CNBD1: variants seen among roughly 807,000 people sequenced by gnomAD.
The protein encoded by CNBD1 is cyclic nucleotide binding domain containing 1.
Under a neutral mutation model 54.4 loss-of-function variants are expected in CNBD1, and 71 were observed. The observed-to-expected ratio is 1.30, with a 90% CI of 1.08 to 1.59. The LOEUF (loss-of-function observed/expected upper bound fraction) is 1.59, where lower values mean the gene tolerates loss of function less well. Among genes scored for constraint, CNBD1 ranks in the 40% most tolerant of loss-of-function variants. CNBD1 has a pLI of 0.00. For missense variants in CNBD1, 659 were observed against 518.0 expected (o/e 1.27, Z -2.64); for synonymous variants, 182 against 170.7 (o/e 1.07, Z -0.51).
In CNBD1 at chr8:86,951,581, C is replaced by CAAAAAAAAAAAAAAAAAAAAAAAA. The variant is rs71275901; in HGVS notation, c.431+11842_431+11865dup. On this transcript the variant is annotated intron_variant, in intron 4 of 10. Transcript: ENST00000518476. ...GGTGACAGAGCGAGGCTCCGTCTCA[C>CAAAAAAAAAAAAAAAAAAAAAAAA]AAAAAAAAAAAAAAAAAAAAAAAAA... 4.3e-4 allele frequency among the ~76,000 whole-genome samples: 16 copies of CAAAAAAAAAAAAAAAAAAAAAAAA among 37,360 alleles called. 4 individuals are homozygous for CAAAAAAAAAAAAAAAAAAAAAAAA. Among genetic ancestry groups the CAAAAAAAAAAAAAAAAAAAAAAAA allele is most frequent in the East Asian group, 8.9e-4 (1 of 1,122 alleles). 24.5% of individuals were successfully genotyped at this position (37,360 alleles called of 152,430 possible). A position where few individuals can be genotyped will look rare whatever the true frequency, so the allele number is the denominator to read the frequency against.
intron 4 of CNBD1, among the ~76,000 whole-genome samples, chr8:87,153,988 G>GGC (rs1812661198): frequency 6.6e-6 from 1 of 152,162 alleles, no homozygotes; most frequent in African/African-American, 2.4e-5. Flanking sequence ...AGTTCAGGAT[G>GGC]GCTAGAATAT....
chr8:87,123,974 G>T (rs1480025085), intron 4 of CNBD1, among the ~76,000 whole-genome samples: 1 of 151,578 alleles, frequency 6.6e-6, no homozygotes, highest in Non-Finnish European at 1.5e-5. Flanking sequence ...AAATAAGAAT[G>T]AATCAGTAAT....
chr8:86,971,329 A>G (rs1251790158), intron 4 of CNBD1, among the ~76,000 whole-genome samples: 1 of 152,172 alleles, frequency 6.6e-6, no homozygotes, highest in Non-Finnish European at 1.5e-5. Flanking sequence ...TATTATGAGA[A>G]GAGCATGGGG....
At chr8:87,414,647 T>C (rs932044910) in intron 2 of CNBD1, among the ~76,000 whole-genome samples, 1 of 152,052 alleles carries the variant, frequency 6.6e-6, no homozygotes, top group Admixed American at 6.6e-5. Context: ...ACAATATATC[T>C]TCTTGTACTA....
intron 5 of CNBD1, among the ~76,000 whole-genome samples, chr8:87,233,570 A>T (rs1807510213): frequency 6.6e-6 from 1 of 152,156 alleles, no homozygotes; most frequent in African/African-American, 2.4e-5. Flanking sequence ...TCTTGCCTCA[A>T]TGTTGATGGC....
At chr8:86,894,308 G>A (rs530137153) in intron 2 of CNBD1, among the ~76,000 whole-genome samples, 3 of 151,580 alleles carry the variant, frequency 2.0e-5, no homozygotes, top group Admixed American at 1.3e-4. Context: ...TGATCCACCC[G>A]CCTCGGCCTC....
intron 2 of CNBD1, among the ~76,000 whole-genome samples, chr8:87,427,478 G>A (rs112291899): frequency 5.9e-5 from 9 of 152,168 alleles, no homozygotes; most frequent in African/African-American, 1.4e-4. Context: ...AAGTATTAGC[G>A]CTTTCATCTA....
intron 4 of CNBD1, among the ~76,000 whole-genome samples, chr8:86,982,999 T>C (rs1808522222): frequency 6.6e-6 from 1 of 152,308 alleles, no homozygotes; most frequent in East Asian, 1.9e-4. Context: ...AATTTTGACA[T>C]TTATTTTAGA....
At chr8:86,895,847 T>C (rs553244804) in intron 2 of CNBD1, among the ~76,000 whole-genome samples, 1 of 152,314 alleles carries the variant, frequency 6.6e-6, no homozygotes, top group Admixed American at 6.5e-5. Flanking sequence ...ATGCCAGCTA[T>C]TTATCAAATA....
At chr8:87,129,293 C>T (rs1812068336) in intron 4 of CNBD1, among the ~76,000 whole-genome samples, 1 of 151,840 alleles carries the variant, frequency 6.6e-6, no homozygotes, top group Non-Finnish European at 1.5e-5. Flanking sequence ...CCATCTGGGC[C>T]AAAAGTCGTC....
chr8:87,132,275 G>A (rs1176482121), intron 4 of CNBD1, among the ~76,000 whole-genome samples: 3 of 151,738 alleles, frequency 2.0e-5, no homozygotes, highest in African/African-American at 7.2e-5. Flanking sequence ...CAACATTTTA[G>A]TAAGTTTGAT....
At chr8:87,405,882 C>T (rs1054962365) in intron 2 of CNBD1, among the ~76,000 whole-genome samples, 6 of 152,168 alleles carry the variant, frequency 3.9e-5, no homozygotes, top group African/African-American at 1.2e-4. Flanking sequence ...ATATCTATTT[C>T]ATCAGTTAAA....
At chr8:87,034,021 A>T (rs757829860) in intron 4 of CNBD1, among the ~76,000 whole-genome samples, 7 of 152,210 alleles carry the variant, frequency 4.6e-5, no homozygotes, top group Non-Finnish European at 1.0e-4. Flanking sequence ...TTAATATGAT[A>T]TAAAAAGGTA....
intron 4 of CNBD1, among the ~76,000 whole-genome samples, chr8:87,067,563 G>A (rs912494207): frequency 6.6e-6 from 1 of 151,912 alleles, no homozygotes; most frequent in Non-Finnish European, 1.5e-5. Context: ...AAATACGGAA[G>A]GTTTCAGGGC....
At chr8:87,128,145 A>G (rs551448042) in intron 4 of CNBD1, among the ~76,000 whole-genome samples, 6 of 152,304 alleles carry the variant, frequency 3.9e-5, no homozygotes, top group East Asian at 1.9e-4. Flanking sequence ...CCACCACTCA[A>G]TAAAACCCCT....
chr8:86,946,941 A>G (rs959108686), intron 4 of CNBD1, among the ~76,000 whole-genome samples: 5 of 152,174 alleles, frequency 3.3e-5, no homozygotes, highest in African/African-American at 1.2e-4. Context: ...TTTTATATGT[A>G]TGAGCAGAAT....
chr8:87,228,013 T>C (rs1474128170), intron 5 of CNBD1, among the ~76,000 whole-genome samples: 1 of 151,710 alleles, frequency 6.6e-6, no homozygotes, highest in Non-Finnish European at 1.5e-5. Flanking sequence ...ACTGATACCC[T>C]TTCTTCCAGT....
intron 10 of CNBD1, among the ~76,000 whole-genome samples, chr8:87,382,085 A>AT (rs1214523483): frequency 6.6e-6 from 1 of 151,978 alleles, no homozygotes; most frequent in Non-Finnish European, 1.5e-5. Context: ...TTAAAAAACT[A>AT]TAAAAATGTT....
intron 4 of CNBD1, among the ~76,000 whole-genome samples, chr8:86,999,320 C>T (rs1328080378): frequency 6.6e-6 from 1 of 152,090 alleles, no homozygotes; most frequent in African/African-American, 2.4e-5. Flanking sequence ...TGGTGACTTC[C>T]TATGTTACTT....
Sources: gnomAD v4.1 joint callset for allele counts (sites outside exome capture counted in the v4.1 genomes callset) on GRCh38, gnomAD v4.1.1 for gene constraint, MANE v1.5 for transcripts, NCBI Gene and HGNC (gene_info 2026-07-23, HGNC 2026-07-21) for gene names.